Variants in CDH13 observed in about 807,000 individuals in gnomAD.
CDH13 encodes the protein cadherin-13.
A neutral mutation model predicts 63.8 loss-of-function variants in CDH13; 24 were observed. The observed-to-expected ratio is 0.38, with a 90% CI of 0.27 to 0.53. CDH13 has a LOEUF of 0.53. CDH13 is among the 20% of genes least tolerant of loss of function. The pLI is 0.85. For missense variants in CDH13, 1,049 were observed against 903.1 expected, an observed-to-expected ratio of 1.16 and a Z score of -2.07; for synonymous variants, 503 against 355.3, an observed-to-expected ratio of 1.42 and a Z score of -4.67.
At chr16:83,204,607 C>A (rs1020637420) in intron 4 of CDH13, among the ~76,000 whole-genome samples, 2 of 152,184 alleles carry the variant, frequency 1.3e-5, no homozygotes, top group African/African-American at 2.4e-5. Context: ...TGTCCGTGAG[C>A]CCTGAACTGG....
At chr16:83,563,130 C>T (rs1027225988) in intron 7 of CDH13, among the ~76,000 whole-genome samples, 1 of 152,166 alleles carries the variant, frequency 6.6e-6, no homozygotes, top group African/African-American at 2.4e-5. Context: ...CTCCCTGTTG[C>T]GACATTCCAG....
At chr16:83,496,277 A>G (rs1284303353) in intron 7 of CDH13, among the ~76,000 whole-genome samples, 3 of 147,940 alleles carry the variant, frequency 2.0e-5, no homozygotes, top group Admixed American at 1.4e-4. Context: ...AGGCTACAGT[A>G]ACCAAAACAG....
At chr16:83,015,458 C>T (rs999900693) in intron 2 of CDH13, among the ~76,000 whole-genome samples, 1 of 151,380 alleles carries the variant, frequency 6.6e-6, no homozygotes, top group Non-Finnish European at 1.5e-5. Flanking sequence ...GATATCTTCC[C>T]AGCATATGTA....
rs2151194533 is a variant in CDH13 at position 82,875,077 on chromosome 16, G to A, written c.157+16604G>A. Among the ~76,000 whole-genome samples, 3 of 152,334 alleles carry A rather than the reference G, an allele frequency of 2.0e-5. No homozygotes were observed. In the South Asian group the frequency reaches 6.2e-4, roughly 32 times the overall value. On this transcript the variant is annotated intron_variant, in intron 2 of 13. Transcript: ENST00000567109. Reference sequence around the variant, plus strand: ...GTCTGCACATGACAGCTTTGATTATGCTTCCAAGGTTTTGTTCATTTTTGG... The same window carrying A: ...GTCTGCACATGACAGCTTTGATTATACTTCCAAGGTTTTGTTCATTTTTGG...
At chr16:82,641,005 A>T (rs1909328117) in intron 1 of CDH13, among the ~76,000 whole-genome samples, 1 of 152,208 alleles carries the variant, frequency 6.6e-6, no homozygotes, top group African/African-American at 2.4e-5. Flanking sequence ...CTCAAGGTCC[A>T]TAAGTGAGCG....
At chr16:82,704,169 T>TG (rs2031288299) in intron 1 of CDH13, among the ~76,000 whole-genome samples, 1 of 151,790 alleles carries the variant, frequency 6.6e-6, no homozygotes, top group African/African-American at 2.4e-5. Flanking sequence ...GGGGTGGGCA[T>TG]GGGGGGTTGT....
intron 7 of CDH13, among the ~76,000 whole-genome samples, chr16:83,545,493 C>T (rs914038015): frequency 5.9e-5 from 9 of 152,184 alleles, no homozygotes; most frequent in Non-Finnish European, 1.2e-4. Context: ...CTGCACTGTC[C>T]AGAGAGGGGA....
chr16:83,116,340 A>T (rs13336524), intron 3 of CDH13, among the ~76,000 whole-genome samples: 120 of 152,244 alleles, frequency 7.9e-4, no homozygotes, highest in African/African-American at 2.7e-3. Flanking sequence ...AAGGAGGCTG[A>T]TGGAGGAGTT....
chr16:83,728,333 A>ATGTGTGTGTGTG (rs1433484586), intron 10 of CDH13, among the ~76,000 whole-genome samples: 8 of 46,900 alleles, frequency 1.7e-4, no homozygotes, highest in East Asian at 2.7e-4. Flanking sequence ...GTGTATGTGT[A>ATGTGTGTGTGTG]TGTGTGTGCG....
chr16:82,740,048 G>A (rs916870320), intron 1 of CDH13, among the ~76,000 whole-genome samples: 2 of 152,124 alleles, frequency 1.3e-5, no homozygotes, highest in African/African-American at 4.8e-5. Context: ...ATCTTAATGA[G>A]CAGAATGTGG....
At chr16:83,099,811 TG>T (rs1391605388) in intron 3 of CDH13, among the ~76,000 whole-genome samples, 2 of 152,150 alleles carry the variant, frequency 1.3e-5, no homozygotes, top group African/African-American at 4.8e-5. Context: ...ATAATTCATT[TG>T]AAAAGTGCTC....
chr16:83,657,894 C>G (rs1037855153), intron 8 of CDH13, among the ~76,000 whole-genome samples: 468 of 150,214 alleles, frequency 3.1e-3, no homozygotes, highest in Non-Finnish European at 4.8e-3. Flanking sequence ...ATCATCACCA[C>G]CAGGTCCCAT....
At chr16:83,154,586 T>C (rs770449007) in intron 4 of CDH13, among the ~76,000 whole-genome samples, 1 of 151,308 alleles carries the variant, frequency 6.6e-6, no homozygotes, top group African/African-American at 2.4e-5. Context: ...AAAAATTGTA[T>C]CTTTTACTAG....
chr16:82,970,347 G>T (rs1356405293), intron 2 of CDH13, among the ~76,000 whole-genome samples: 7 of 141,550 alleles, frequency 4.9e-5, no homozygotes, highest in African/African-American at 1.9e-4. Flanking sequence ...ATTTGGGTTG[G>T]TTTCAAGTCT....
At chr16:83,646,712 A>AACACACACACACAC (rs71382879) in intron 8 of CDH13, among the ~76,000 whole-genome samples, 1 of 80,480 alleles carries the variant, frequency 1.2e-5, no homozygotes, top group African/African-American at 4.5e-5. Context: ...AAAAAAAAAA[A>AACACACACACACAC]ACACACACAC....
chr16:83,166,986 T>G (rs1480690529), intron 4 of CDH13, among the ~76,000 whole-genome samples: 1 of 152,144 alleles, frequency 6.6e-6, no homozygotes, highest in East Asian at 1.9e-4. Flanking sequence ...TATGTGAAAA[T>G]GCCTCTATTT....
At chr16:83,586,429 A>C (rs1454729917) in intron 7 of CDH13, among the ~76,000 whole-genome samples, 1 of 152,202 alleles carries the variant, frequency 6.6e-6, no homozygotes, top group South Asian at 2.1e-4. Context: ...GGAGCCCTCC[A>C]AGGGCTTGTT....
At chr16:82,914,162 C>T (rs1026382815) in intron 2 of CDH13, among the ~76,000 whole-genome samples, 2 of 152,142 alleles carry the variant, frequency 1.3e-5, no homozygotes, top group African/African-American at 4.8e-5. Flanking sequence ...CTAGATCCTT[C>T]ACTAGACTCT....
At chr16:83,205,753 C>A (rs570252029) in intron 4 of CDH13, among the ~76,000 whole-genome samples, 7 of 152,040 alleles carry the variant, frequency 4.6e-5, no homozygotes, top group African/African-American at 1.7e-4. Flanking sequence ...TACAAGTGTG[C>A]ACCACCACAC....
Sources: gnomAD v4.1 joint callset for allele counts (sites outside exome capture counted in the v4.1 genomes callset) on GRCh38, gnomAD v4.1.1 for gene constraint, MANE v1.5 for transcripts, NCBI Gene and HGNC (gene_info 2026-07-23, HGNC 2026-07-21) for gene names.